COMMD10: variants seen among roughly 807,000 people sequenced by gnomAD.
The protein encoded by COMMD10 is COMM domain containing 10.
In COMMD10, 33 loss-of-function variants were observed where a neutral mutation model predicts 28.9. The ratio of observed to expected loss-of-function variants is 1.14; its 90% CI spans 0.87 to 1.53. The LOEUF (loss-of-function observed/expected upper bound fraction) is 1.53, where lower values mean the gene tolerates loss of function less well. COMMD10 is among the 40% of genes most tolerant of loss of function. COMMD10 has a pLI of 0.00. For missense variants in COMMD10, 310 were observed against 233.4 expected, an observed-to-expected ratio of 1.33 and a Z score of -2.14; for synonymous variants, 110 against 81.7, an observed-to-expected ratio of 1.35 and a Z score of -1.87.
intron 5 of COMMD10, among the ~76,000 whole-genome samples, chr5:116,151,985 TG>T (rs1229336230): frequency 1.3e-5 from 2 of 152,224 alleles, no homozygotes; most frequent in African/African-American, 4.8e-5. Context: ...CTTTCTCTTG[TG>T]GGTATTTAGT....
chr5:116,113,888 A>G (rs1751141282), intron 4 of COMMD10, among the ~76,000 whole-genome samples: 1 of 151,370 alleles, frequency 6.6e-6, no homozygotes, highest in Non-Finnish European at 1.5e-5. Context: ...TGTTCATTCT[A>G]GCACATCTGG....
At chr5:116,287,163 A>G (rs964696540) in intron 5 of COMMD10, among the ~76,000 whole-genome samples, 12 of 151,718 alleles carry the variant, frequency 7.9e-5, no homozygotes, top group Non-Finnish European at 1.2e-4. Context: ...TGAGGGAAAA[A>G]ATGGCTTTGT....
At chr5:116,251,776 C>T (rs1009290554) in intron 5 of COMMD10, among the ~76,000 whole-genome samples, 1 of 152,054 alleles carries the variant, frequency 6.6e-6, no homozygotes, top group Non-Finnish European at 1.5e-5. Flanking sequence ...GTCTTTATAG[C>T]AGCATGATTT....
chr5:116,145,404 G>T (rs969891767), intron 5 of COMMD10, among the ~76,000 whole-genome samples: 1 of 150,732 alleles, frequency 6.6e-6, no homozygotes, highest in Non-Finnish European at 1.5e-5. Flanking sequence ...TATCTTTGCC[G>T]GGTGTTGTCA....
chr5:116,124,499 A>G (rs1269547275), intron 4 of COMMD10, among the ~76,000 whole-genome samples: 1 of 152,174 alleles, frequency 6.6e-6, no homozygotes. Context: ...CTATGTGGTC[A>G]ATTCTGGAAT....
Position 116,101,788 on chromosome 5 carries a change from G to T in COMMD10, c.399+9088G>T, listed in dbSNP as rs533917203. Among the ~76,000 whole-genome samples the T allele has an allele frequency of 1.4e-4, 21 of 152,290 alleles. 1 individual carries two copies. In the South Asian group the frequency reaches 2.7e-3, roughly 20 times the overall value. On this transcript the variant is annotated intron_variant, in intron 4 of 6. Coordinates refer to ENST00000274458, the MANE Select transcript of COMMD10 (RefSeq NM_016144.4). ...TGATAGCTCATTGTGGCTTTGATTT[G>T]CATTTCTCTGATCAGTGATGTTGAG... is the stretch of plus-strand genomic sequence containing the variant.
chr5:116,202,354 A>G (rs1488653133), intron 5 of COMMD10, among the ~76,000 whole-genome samples: 2 of 151,846 alleles, frequency 1.3e-5, no homozygotes, highest in Non-Finnish European at 1.5e-5. Flanking sequence ...ATACGTGTGC[A>G]TGTGTCTTTA....
At chr5:116,219,995 G>A (rs1749204831) in intron 5 of COMMD10, among the ~76,000 whole-genome samples, 1 of 151,948 alleles carries the variant, frequency 6.6e-6, no homozygotes, top group Non-Finnish European at 1.5e-5. Context: ...TCTTTGTCAG[G>A]TTTGGGTCAT....
chr5:116,274,043 C>G (rs548109378), intron 5 of COMMD10, among the ~76,000 whole-genome samples: 41 of 151,742 alleles, frequency 2.7e-4, no homozygotes, highest in African/African-American at 9.7e-4. Flanking sequence ...AAGATATGAT[C>G]TAACAGCCTC....
rs559998982 is a variant in COMMD10 at position 116,109,234 on chromosome 5, G to A, written c.399+16534G>A. On this transcript the variant is annotated intron_variant, in intron 4 of 6. Coordinates refer to ENST00000274458, the MANE Select transcript of COMMD10 (RefSeq NM_016144.4). ...TTTGTGTCGTGTTCAGTTTTCTTTC[G>A]TCAGTATTTTGTAGTTCTCCTTGTG... Among the ~76,000 whole-genome samples, 18 of 152,084 alleles carry A rather than the reference G, an allele frequency of 1.2e-4. 1 individual carries two copies. The highest frequency in any genetic ancestry group is 2.9e-4 in the African/African-American group (12 of 41,400).
chr5:116,089,632 G>A (rs945691421), intron 2 of COMMD10, among the ~76,000 whole-genome samples: 1 of 152,224 alleles, frequency 6.6e-6, no homozygotes, highest in Non-Finnish European at 1.5e-5. Context: ...AGAGTTAACT[G>A]AGTGGCTAAA....
intron 5 of COMMD10, among the ~76,000 whole-genome samples, chr5:116,240,939 A>G (rs1293576700): frequency 6.6e-6 from 1 of 151,100 alleles, no homozygotes; most frequent in Non-Finnish European, 1.5e-5. Flanking sequence ...ATTTTCCTCT[A>G]TGTCTTTAAT....
intron 1 of COMMD10, 62 bp from the exon 2 acceptor site, chr5:116,087,435 A>G: frequency 2.1e-6 from 2 of 958,008 alleles, no homozygotes; most frequent in Non-Finnish European, 3.4e-6. Flanking sequence ...ATAGACAACT[A>G]TAGAAAGTGC....
At chr5:116,268,917 G>T (rs1476622890) in intron 5 of COMMD10, among the ~76,000 whole-genome samples, 1 of 151,108 alleles carries the variant, frequency 6.6e-6, no homozygotes, top group Admixed American at 6.6e-5. Flanking sequence ...TGGACACAGA[G>T]AGAGGAACAT....
chr5:116,274,926 T>G (rs1433106401), intron 5 of COMMD10, among the ~76,000 whole-genome samples: 1 of 151,800 alleles, frequency 6.6e-6, no homozygotes, highest in African/African-American at 2.4e-5. Context: ...TAGCCCAGAT[T>G]CCTAATTTAA....
intron 5 of COMMD10, among the ~76,000 whole-genome samples, chr5:116,138,450 TTGAC>T (rs1264563799): frequency 4.0e-5 from 6 of 151,878 alleles, no homozygotes; most frequent in African/African-American, 1.2e-4. Flanking sequence ...GTTGATAATT[TTGAC>T]TGACACCAAC....
At chr5:116,290,890 A>G (rs868370516) in intron 5 of COMMD10, among the ~76,000 whole-genome samples, 1 of 152,210 alleles carries the variant, frequency 6.6e-6, no homozygotes. Flanking sequence ...AGCATCATAC[A>G]TACATATACA....
chr5:116,205,560 A>G (rs1439395969), intron 5 of COMMD10, among the ~76,000 whole-genome samples: 3 of 152,190 alleles, frequency 2.0e-5, no homozygotes, highest in African/African-American at 4.8e-5. Flanking sequence ...GCATATGTAT[A>G]TATACATGTG....
intron 5 of COMMD10, among the ~76,000 whole-genome samples, chr5:116,173,957 T>G (rs1753421337): frequency 6.6e-6 from 1 of 152,012 alleles, no homozygotes; most frequent in African/African-American, 2.4e-5. Context: ...GCCATATACT[T>G]CCAGGTATTG....
Sources: allele counts gnomAD v4.1 joint callset (sites outside exome capture counted in the v4.1 genomes callset), GRCh38; gene constraint gnomAD v4.1.1; transcripts MANE v1.5; gene names NCBI Gene and HGNC (gene_info 2026-07-23, HGNC 2026-07-21).